Variants in GRID2 observed in about 807,000 individuals in gnomAD.
The protein encoded by GRID2 is glutamate ionotropic receptor delta type subunit 2, also known as glutamate receptor ionotropic, delta-2.
Under a neutral mutation model 114.8 loss-of-function variants are expected in GRID2, and 33 were observed. The observed-to-expected ratio is 0.29, with a 90% CI of 0.22 to 0.38. The LOEUF is 0.38. GRID2 is among the 10% of genes least tolerant of loss of function. The probability of loss-of-function intolerance (pLI) is 1.00; values close to 1 mark genes in which losing one functional copy is unlikely to be tolerated. For synonymous variants in GRID2, 505 were observed against 449.9 expected (o/e 1.12, Z -1.55); for missense variants, 1,184 against 1,257.7 (o/e 0.94, Z 0.89).
intron 10 of GRID2, among the ~76,000 whole-genome samples, chr4:93,443,046 T>C (rs941563911): frequency 6.6e-6 from 1 of 152,002 alleles, no homozygotes; most frequent in Non-Finnish European, 1.5e-5. Context: ...TAAATATAAA[T>C]ACGATCACTT....
chr4:93,424,169 TATC>T lies in GRID2; in HGVS notation c.1545+1204_1545+1206del, dbSNP rs889168414. ...TATATTTTATTAACCTCATACCAAA[TATC>T]ATAGTTTTTTATTTAAATATTTATT... On this transcript the variant is annotated intron_variant, in intron 10 of 15. Transcript: ENST00000282020. 1.0e-3 allele frequency among the ~76,000 whole-genome samples: 154 copies of T among 152,038 alleles called. 1 individual carries two copies. Among genetic ancestry groups the T allele is most frequent in the African/African-American group, 3.6e-3 (150 of 41,512 alleles).
chr4:93,294,216 G>A (rs537138360), intron 8 of GRID2, among the ~76,000 whole-genome samples: 56 of 151,544 alleles, frequency 3.7e-4, no homozygotes, highest in African/African-American at 1.2e-3. Flanking sequence ...ACAAAAAAAC[G>A]AAAAGATGAG....
rs1731729874 is a variant in GRID2 at position 92,647,958 on chromosome 4, C to T, written c.244+57672C>T. ...GTTCGATTTGGAAGATAATATTCTG[C>T]TCATTTTGTTATACAGATTAAGGAA... is the stretch of plus-strand genomic sequence containing the variant. On this transcript the variant is annotated intron_variant, in intron 2 of 15. Transcript: ENST00000282020. Among the ~76,000 whole-genome samples the T allele has an allele frequency of 1.3e-5, 2 of 149,592 alleles. 1 individual carries two copies.
chr4:92,452,117 G>A (rs1312937429), intron 1 of GRID2, among the ~76,000 whole-genome samples: 2 of 152,084 alleles, frequency 1.3e-5, no homozygotes, highest in Non-Finnish European at 2.9e-5. Context: ...CAGTGTCATG[G>A]CATACATCAT....
intron 9 of GRID2, among the ~76,000 whole-genome samples, chr4:93,402,567 C>G (rs1160375168): frequency 6.6e-6 from 1 of 151,914 alleles, no homozygotes. Flanking sequence ...GGGAGACAAA[C>G]AAATGTAAAC....
intron 2 of GRID2, among the ~76,000 whole-genome samples, chr4:92,975,151 C>T (rs1753782200): frequency 7.7e-5 from 2 of 25,928 alleles, no homozygotes; most frequent in South Asian, 1.0e-3. Flanking sequence ...AGTGAGATTC[C>T]GCCTCAAAAA....
rs1409045099 is a variant in GRID2 at position 92,674,169 on chromosome 4, T to C, written c.244+83883T>C. On this transcript the variant is annotated intron_variant, in intron 2 of 15. Transcript: ENST00000282020. ...TTCTTAGGCCTTCAGTTGATATTTT[T>C]CATCAAATTAAGTAAAAACAAAAAT... Among the ~76,000 whole-genome samples the C allele has an allele frequency of 2.6e-5, 4 of 152,134 alleles. 1 individual carries two copies. The highest frequency in any genetic ancestry group is 2.0e-4 in the Admixed American group (3 of 15,262).
intron 1 of GRID2, among the ~76,000 whole-genome samples, chr4:92,587,101 T>TGTGG (rs1200242603): frequency 8.9e-5 from 5 of 55,876 alleles, no homozygotes; most frequent in South Asian, 5.1e-4. Flanking sequence ...TGAAATGCTG[T>TGTGG]GTGTGTGTGT....
At chr4:93,705,188 A>T (rs1241919623) in intron 14 of GRID2, among the ~76,000 whole-genome samples, 1 of 152,156 alleles carries the variant, frequency 6.6e-6, no homozygotes, top group African/African-American at 2.4e-5. Flanking sequence ...TTTAATTTAC[A>T]GTTCTCTGAT....
chr4:93,729,388 G>A (rs1409287807), intron 14 of GRID2, among the ~76,000 whole-genome samples: 1 of 151,996 alleles, frequency 6.6e-6, no homozygotes, highest in African/African-American at 2.4e-5. Flanking sequence ...TAAAATCTCT[G>A]GATTTCCAGG....
intron 3 of GRID2, among the ~76,000 whole-genome samples, chr4:93,098,318 G>T (rs1408978487): frequency 6.6e-6 from 1 of 151,890 alleles, no homozygotes; most frequent in Non-Finnish European, 1.5e-5. Flanking sequence ...CTTCCAAGAG[G>T]AGGCATTGTC....
chr4:93,466,418 C>G (rs1426196588), intron 11 of GRID2, among the ~76,000 whole-genome samples: 1 of 152,168 alleles, frequency 6.6e-6, no homozygotes, highest in Non-Finnish European at 1.5e-5. Context: ...GTTGTTACAG[C>G]TCCATGACTG....
chr4:93,501,832 C>T (rs1290666261), intron 12 of GRID2, among the ~76,000 whole-genome samples: 1 of 152,040 alleles, frequency 6.6e-6, no homozygotes, highest in East Asian at 1.9e-4. Context: ...ATGAATCATT[C>T]TAGACAAATC....
intron 2 of GRID2, among the ~76,000 whole-genome samples, chr4:92,887,920 C>T (rs1237495044): frequency 6.6e-6 from 1 of 152,164 alleles, no homozygotes; most frequent in Non-Finnish European, 1.5e-5. Context: ...CTAATAATAG[C>T]TTCTCATTTC....
intron 2 of GRID2, among the ~76,000 whole-genome samples, chr4:92,804,421 A>G (rs920400408): frequency 6.6e-6 from 1 of 151,986 alleles, no homozygotes; most frequent in East Asian, 1.9e-4. Context: ...TTATGAGCTG[A>G]ATGTCATTTA....
intron 1 of GRID2, among the ~76,000 whole-genome samples, chr4:92,569,010 G>T (rs1483418363): frequency 2.0e-5 from 3 of 151,900 alleles, no homozygotes; most frequent in African/African-American, 7.2e-5. Context: ...TGCAAGACAT[G>T]CCGGCTTGTT....
At chr4:92,679,408 A>C (rs2149282978) in intron 2 of GRID2, among the ~76,000 whole-genome samples, 1 of 152,120 alleles carries the variant, frequency 6.6e-6, no homozygotes, top group Middle Eastern at 3.4e-3. Flanking sequence ...TGCATACAGA[A>C]CCATTACCCT....
chr4:92,727,859 T>G (rs138652306), intron 2 of GRID2, among the ~76,000 whole-genome samples: 1,555 of 152,178 alleles, frequency 0.01, 22 homozygotes, highest in African/African-American at 0.036. Context: ...AAAAAACTGA[T>G]ACTCACTGAT....
At chr4:92,685,878 C>T (rs1422716374) in intron 2 of GRID2, among the ~76,000 whole-genome samples, 1 of 152,030 alleles carries the variant, frequency 6.6e-6, no homozygotes, top group Non-Finnish European at 1.5e-5. Flanking sequence ...AGTCCAACCC[C>T]TTCAGTAAAG....
Sources: allele counts gnomAD v4.1 joint callset (sites outside exome capture counted in the v4.1 genomes callset), GRCh38; gene constraint gnomAD v4.1.1; transcripts MANE v1.5; gene names NCBI Gene and HGNC (gene_info 2026-07-23, HGNC 2026-07-21).